The following CHTF18 variants were observed in gnomAD, a reference collection of about 807,000 sequenced individuals.
CHTF18 encodes chromosome transmission fidelity protein 18 homolog.
A neutral mutation model predicts 113.4 loss-of-function variants in CHTF18; 151 were observed. The observed-to-expected ratio is 1.33, with a 90% CI of 1.17 to 1.52. CHTF18 has a LOEUF of 1.52. CHTF18 is among the 40% of genes most tolerant of loss of function. The probability of loss-of-function intolerance (pLI) is 0.00; values close to 1 mark genes in which losing one functional copy is unlikely to be tolerated. For synonymous variants in CHTF18, 916 were observed against 598.8 expected, an observed-to-expected ratio of 1.53 and a Z score of -7.74; for missense variants, 1,982 against 1,381.6, an observed-to-expected ratio of 1.43 and a Z score of -6.89.
rs1203853625 is a variant in CHTF18, at chr16:792,226, A to G, written c.1205A>G (p.Asp402Gly). ...GYSVVEMNASDDRSPEVFRTR... is the reference protein window; with the variant it reads ...GYSVVEMNASGDRSPEVFRTR... ...GACCCCTGACCTCCCCATTGCAGTG[A>G]CGACCGTAGCCCGGAGGTCTTCCGC... is the stretch of plus-strand genomic sequence containing the variant. The change falls in exon 10 of 22, where the codon GAC (aspartate) becomes GGC (glycine). Residue 402 changes from aspartate to glycine, a missense_variant and splice_region_variant. Physicochemically the swap from Asp to Gly is moderately conservative, Grantham distance 94 (BLOSUM62 -1). Transcript: ENST00000262315. The G allele has an allele frequency of 1.9e-6, 3 of 1,571,108 alleles. No homozygotes were observed. The South Asian group carries it at 3.5e-5, about 18-fold the overall frequency.
Position 789,346 on chromosome 16 carries a change from G to C in CHTF18, c.423G>C (p.Glu141Asp). 2 of 1,596,160 alleles carry C rather than the reference G, an allele frequency of 1.3e-6. No homozygotes were observed. Among genetic ancestry groups the C allele is most frequent in the Non-Finnish European group, 1.7e-6 (2 of 1,171,840 alleles). ...CGCCGAGCCCTGAGGACCTCGCAGAGCTTTGGGGCCACGGGTGTGTGGCTT... is the reference window on the plus strand; with the variant it reads ...CGCCGAGCCCTGAGGACCTCGCAGACCTTTGGGGCCACGGGTGTGTGGCTT... ...TPPPSPEDLA[E>D]LWGHGVSEAA... is the part of the protein sequence containing the mutation. Residue 141 changes from glutamate (E) to aspartate (D), a missense_variant, in exon 3 of 22, where the codon GAG (glutamate) becomes GAC (aspartate). Transcript: ENST00000262315.
chr16:789,997 C>T (rs1350523545), intron 4 of CHTF18, 180 bp from the exon 5 acceptor site: 46 of 1,535,280 alleles, frequency 3.0e-5, no homozygotes, highest in Admixed American at 7.8e-5. Context: ...CCCCCAATTT[C>T]CCTTTGCAGC....
rs1406151819 is a variant in CHTF18, at chr16:792,620, G to C, written c.1478+30G>C. 1.9e-6 allele frequency: 3 copies of C among 1,592,170 alleles called. No individual in the cohort carries two copies. The South Asian group carries it at 3.3e-5, about 18-fold the overall frequency. ...GTGCATGGGCGGGCGCCACAGTCAG[G>C]AGAGGCTCTGGTGCCTGGAGGGAGG... On this transcript the variant is annotated intron_variant, in intron 11 of 21. Coordinates refer to ENST00000262315, the MANE Select transcript of CHTF18 (RefSeq NM_022092.3).
chr16:792,201 G>A (rs1367765344), intron 9 of CHTF18, 23 bp from the exon 10 acceptor site: 8 of 1,561,276 alleles, frequency 5.1e-6, no homozygotes, highest in South Asian at 3.5e-5. Flanking sequence ...CTGCCCTGAC[G>A]ACCCCTGACC....
intron 9 of CHTF18, 106 bp from the exon 10 acceptor site, chr16:792,118 C>T: frequency 6.6e-7 from 1 of 1,525,390 alleles, no homozygotes; most frequent in Non-Finnish European, 8.8e-7. Context: ...TCGGCAGCAG[C>T]CGCGTCATGT....
Position 790,505 on chromosome 16 carries a change from C to A in CHTF18, c.753-20C>A. 6.2e-7 allele frequency: 1 copy of A among 1,604,206 alleles called. No individual in the cohort carries two copies. Among genetic ancestry groups the A allele is most frequent in the Non-Finnish European group, 8.5e-7 (1 of 1,175,986 alleles). On this transcript the variant is annotated intron_variant, in intron 6 of 21. Coordinates refer to ENST00000262315, the MANE Select transcript of CHTF18 (RefSeq NM_022092.3). ...TGGTCCCTGCGAGTTGTTTGTGGCTCAGGACGTGGTCCTCTCCAGTCTCAG... is the reference window on the plus strand; with the variant it reads ...TGGTCCCTGCGAGTTGTTTGTGGCTAAGGACGTGGTCCTCTCCAGTCTCAG...
chr16:792,660 C>T, intron 11 of CHTF18, 58 bp from the exon 12 acceptor site: 5 of 1,589,452 alleles, frequency 3.1e-6, no homozygotes, highest in South Asian at 1.1e-5. Flanking sequence ...CGGCCCGTCC[C>T]TGTGTCCTGG....
At chr16:797,124 A>G in intron 20 of CHTF18, 32 bp downstream of exon 20, 2 of 1,492,156 alleles carry the variant, frequency 1.3e-6, no homozygotes, top group Non-Finnish European at 1.8e-6. Flanking sequence ...GGGTGGGACC[A>G]GGGTACATAC....
At chr16:797,222 C>A (rs1314671286) in intron 20 of CHTF18, 130 bp downstream of exon 20, 3 of 1,140,650 alleles carry the variant, frequency 2.6e-6, no homozygotes, top group South Asian at 2.0e-5. Flanking sequence ...GTGGCTAGGG[C>A]CCCTCATGAG....
Position 796,981 on chromosome 16 carries a change from G to A in CHTF18, c.2622G>A (p.Gly874=), listed in dbSNP as rs2042367596. The A allele has an allele frequency of 2.0e-6, 3 of 1,532,478 alleles. No individual in the cohort carries two copies. The African/African-American group carries it at 4.2e-5, about 21-fold the overall frequency. 94.9% of individuals were successfully genotyped at this position (1,532,478 alleles called of 1,614,324 possible). A position where few individuals can be genotyped will look rare whatever the true frequency, so the allele number is the denominator to read the frequency against. The change falls in exon 20 of 22, where the codon GGG becomes GGA. Residue 874 remains glycine (G), a synonymous_variant. Transcript: ENST00000262315. ...TACAGGTGGATGGGAGCCCCCCAGG[G>A]CTCGAGGGTCTGCTGGGGGGCATTG... is the stretch of plus-strand genomic sequence containing the variant. ...NSPQVDGSPP[G]LEGLLGGIGE...
In CHTF18 at chr16:789,610, C is replaced by G; in HGVS notation, c.501C>G (p.Val167=). 6.2e-7 allele frequency: 1 copy of G among 1,608,660 alleles called. No individual in the cohort carries two copies. Among genetic ancestry groups the G allele is most frequent in the African/African-American group, 1.3e-5 (1 of 75,032 alleles). The part of the protein sequence containing the change: ...TRASPAARNP[V]LRRPPILEDY... ...CCTCACCAGCTGCCCGCAATCCCGT[C>G]CTGAGGCGGCCCCCCATCTTGGAGG... The change falls in exon 4 of 22, where the codon GTC becomes GTG. Residue 167 remains valine, a synonymous_variant. Transcript: ENST00000262315.
chr16:797,069 A>C lies in CHTF18; in HGVS notation c.2710A>C (p.Arg904=), dbSNP rs1218252436. 1.3e-6 allele frequency: 2 copies of C among 1,542,694 alleles called. No homozygotes were observed. Among genetic ancestry groups the C allele is most frequent in the Non-Finnish European group, 1.7e-6 (2 of 1,146,594 alleles). Residue 904 remains arginine (R), a synonymous_variant, in exon 20 of 22, where the codon AGG becomes CGG. Transcript: ENST00000262315. ...TGAGCAGCGGCTGGAGCACATCATG[A>C]GGCGAGCGGCCCGGGAGGAACAGGT... ...NHEQRLEHIM[R]RAAREEQPEK... is the part of the protein sequence containing the mutation.
chr16:792,283 CGGTGCTG>C lies in CHTF18; in HGVS notation c.1271_1277del (p.Gly424AlafsTer24). On this transcript the variant is annotated frameshift_variant, in exon 10 of 22. Transcript: ENST00000262315. LOFTEE classifies it high-confidence loss of function. The stretch of plus-strand genomic sequence containing the variant: ...ATCGAGGCGGCCACCCAGATGGAGT[CGGTGCTG>C]GGTGCTGGCGGGAAGCCCAACTGCC... 1.9e-6 allele frequency: 3 copies of C among 1,559,078 alleles called. No individual in the cohort carries two copies. Among genetic ancestry groups the C allele is most frequent in the South Asian group, 1.2e-5 (1 of 84,598 alleles).
chr16:798,011 C>T lies in CHTF18; in HGVS notation c.*36C>T, dbSNP rs2042405456. 4 of 1,592,018 alleles carry T rather than the reference C, an allele frequency of 2.5e-6. No homozygotes were observed. The highest frequency in any genetic ancestry group is 3.4e-6 in the Non-Finnish European group (4 of 1,168,356). On this transcript the variant is annotated 3_prime_UTR_variant, in exon 22 of 22. Transcript: ENST00000262315. ...CGCGGACATGCCCTCGCATTGCTTC[C>T]CGCAGAGTGCAGAGACAGGAAGCTG...
chr16:790,084 T>A (rs1372762758), intron 4 of CHTF18, 93 bp from the exon 5 acceptor site: 1 of 1,538,416 alleles, frequency 6.5e-7, no homozygotes, highest in Non-Finnish European at 8.7e-7. Context: ...TTACTGGGGT[T>A]GTCCCACCCG....
rs752227236 is a variant in CHTF18 at position 790,657 on chromosome 16, C to T, written c.885C>T (p.Leu295=). ...EFAPRHYTEL[L]SDDFTNRCLL... ...CACCCCGCCACTACACGGAGCTGCT[C>T]AGTGATGACGTGAGGTCTTGTTCTC... Residue 295 remains leucine (L), a synonymous_variant, in exon 7 of 22, where the codon CTC becomes CTT. Coordinates refer to ENST00000262315, the MANE Select transcript of CHTF18 (RefSeq NM_022092.3). 11 of 1,574,518 alleles carry T rather than the reference C, an allele frequency of 7.0e-6. No homozygotes were observed. Among genetic ancestry groups the T allele is most frequent in the African/African-American group, 4.1e-5 (3 of 73,494 alleles).
Position 792,472 on chromosome 16 carries a change from C to G in CHTF18, c.1360C>G (p.Arg454Gly). The G allele has an allele frequency of 6.3e-7, 1 of 1,580,308 alleles. No individual in the cohort carries two copies. The highest frequency in any genetic ancestry group is 8.6e-7 in the Non-Finnish European group (1 of 1,163,594). ...CAACGTCCTCCTGAGCATCCTGAAC[C>G]GCAAGGGGCCACAGGAGGTGGGGCC... Reference protein sequence around the residue: ...AINVLLSILNRKGPQEVGPQG... With the variant: ...AINVLLSILNGKGPQEVGPQG... Residue 454 changes from arginine to glycine, a missense_variant, in exon 11 of 22, where the codon CGC (arginine) becomes GGC (glycine). Coordinates refer to ENST00000262315, the MANE Select transcript of CHTF18 (RefSeq NM_022092.3).
chr16:790,727 T>C (rs2042174577), intron 7 of CHTF18, 61 bp downstream of exon 7: 22 of 1,467,832 alleles, frequency 1.5e-5, no homozygotes, highest in Non-Finnish European at 1.9e-5. Flanking sequence ...TGGAAGAACC[T>C]GGGCCCAGTG....
rs2042226683 is a variant in CHTF18 at position 792,515 on chromosome 16, CT to C, written c.1405del (p.Ser469ArgfsTer15). 5.7e-6 allele frequency: 9 copies of C among 1,592,342 alleles called. No individual in the cohort carries two copies. The highest frequency in any genetic ancestry group is 6.8e-6 in the Non-Finnish European group (8 of 1,172,910). ...GTGGGGCCACAGGGCCCGGCTGTGCCTTCGGGAGGCGGCCGACGGCGCCGGG... is the reference window on the plus strand; with the variant it reads ...GTGGGGCCACAGGGCCCGGCTGTGCCTCGGGAGGCGGCCGACGGCGCCGGG... ...QEVGPQGPAV[P>X]SGGGRRRRAE... On this transcript the variant is annotated frameshift_variant, in exon 11 of 22. Coordinates refer to ENST00000262315, the MANE Select transcript of CHTF18 (RefSeq NM_022092.3). LOFTEE classifies it high-confidence loss of function.
Sources: allele counts gnomAD v4.1 joint callset, GRCh38; gene constraint gnomAD v4.1.1; transcripts MANE v1.5; gene names NCBI Gene and HGNC (gene_info 2026-07-23, HGNC 2026-07-21).